PROX1: variants seen among roughly 807,000 people sequenced by gnomAD.
PROX1 encodes prospero homeobox protein 1.
A neutral mutation model predicts 58.8 loss-of-function variants in PROX1; 7 were observed. The observed-to-expected ratio is 0.12, with a 90% CI of 0.07 to 0.22. PROX1 has a LOEUF of 0.22. Among genes scored for constraint, PROX1 ranks in the 10% least tolerant of loss-of-function variants. The pLI, the probability that PROX1 is intolerant of heterozygous loss-of-function variation, is 1.00. For synonymous variants in PROX1, 350 were observed against 358.3 expected, an observed-to-expected ratio of 0.98 and a Z score of 0.26; for missense variants, 675 against 927.8, an observed-to-expected ratio of 0.73 and a Z score of 3.54.
intron 1 of PROX1, among the ~76,000 whole-genome samples, chr1:213,994,511 G>T (rs1345900514): frequency 2.0e-5 from 3 of 151,684 alleles, no homozygotes; most frequent in Non-Finnish European, 4.4e-5. Flanking sequence ...GCCTCTCCTT[G>T]TTCTTTCTGT....
intron 4 of PROX1, among the ~76,000 whole-genome samples, chr1:214,025,623 A>G (rs578077357): frequency 6.7e-6 from 1 of 149,808 alleles, no homozygotes; most frequent in South Asian, 2.1e-4. Context: ...GAACTCTCTG[A>G]GATTCCTTCT....
chr1:214,032,265 C>G (rs1185418437), intron 4 of PROX1, among the ~76,000 whole-genome samples: 1 of 152,204 alleles, frequency 6.6e-6, no homozygotes, highest in Non-Finnish European at 1.5e-5. Flanking sequence ...CCTTACCTCA[C>G]AGTAATCTCT....
intron 2 of PROX1, 136 bp from the exon 3 acceptor site, chr1:214,005,029 C>A (rs1663656564): frequency 1.7e-5 from 10 of 578,962 alleles, no homozygotes; most frequent in Non-Finnish European, 2.7e-5. Context: ...GATGCCATAG[C>A]CAGTGTCATA....
chr1:214,034,933 G>A (rs74139093), intron 4 of PROX1, among the ~76,000 whole-genome samples: 21,712 of 151,888 alleles, frequency 0.14, 2,883 homozygotes, highest in African/African-American at 0.34. Context: ...GTAAATACTC[G>A]AAAAAAGTTA....
At chr1:214,011,830 C>A in intron 4 of PROX1, 115 bp downstream of exon 4, 1 of 829,084 alleles carries the variant, frequency 1.2e-6, no homozygotes. Context: ...CAAGCATCCC[C>A]CAATAGAGTA....
intron 3 of PROX1, among the ~76,000 whole-genome samples, chr1:214,009,363 A>G (rs1452172401): frequency 6.6e-6 from 1 of 152,222 alleles, no homozygotes; most frequent in Non-Finnish European, 1.5e-5. Context: ...CCTTTATAGA[A>G]CAATTGATCC....
intron 1 of PROX1, among the ~76,000 whole-genome samples, chr1:213,993,776 A>G (rs532097743): frequency 7.9e-5 from 12 of 152,298 alleles, no homozygotes; most frequent in Admixed American, 5.2e-4. Flanking sequence ...TATATAATTT[A>G]TCTTATTTTT....
intron 1 of PROX1, among the ~76,000 whole-genome samples, chr1:213,995,935 T>C (rs1446303177): frequency 1.3e-5 from 2 of 152,238 alleles, no homozygotes; most frequent in African/African-American, 4.8e-5. Flanking sequence ...TATTGTAAAA[T>C]TCAAGAATAA....
intron 4 of PROX1, among the ~76,000 whole-genome samples, chr1:214,025,085 T>C (rs1235763921): frequency 6.6e-6 from 1 of 152,242 alleles, no homozygotes; most frequent in East Asian, 1.9e-4. Context: ...GATACATTCC[T>C]CTGTTTAGCA....
At chr1:214,004,841 T>C (rs2102714853) in intron 2 of PROX1, among the ~76,000 whole-genome samples, 1 of 152,262 alleles carries the variant, frequency 6.6e-6, no homozygotes, top group Non-Finnish European at 1.5e-5. Context: ...GGTGCATTTG[T>C]CTCCTTAGCA....
At position 213,997,378 on chromosome 1, in the gene PROX1, G is replaced by A; in HGVS notation, c.843G>A (p.Ser281=). Residue 281 remains serine (S), a synonymous_variant, in exon 2 of 5, where the codon TCG becomes TCA. Transcript: ENST00000366958. This position sits in a 1 kb window ranked among gnomAD's most constrained non-coding sequence, Gnocchi z 7.1. ...ACCTGTCTGAAGACAGCATGCGCTC[G>A]GAGATCCTGGATGCCAGGGCCCAGG... ...DGNLSEDSMR[S]EILDARAQDS... The A allele has an allele frequency of 6.2e-7, 1 of 1,614,066 alleles. No homozygotes were observed. Among genetic ancestry groups the A allele is most frequent in the South Asian group, 1.1e-5 (1 of 91,078 alleles).
At chr1:213,990,562 G>A (rs1662992090) in intron 1 of PROX1, among the ~76,000 whole-genome samples, 1 of 151,980 alleles carries the variant, frequency 6.6e-6, no homozygotes, top group South Asian at 2.1e-4. Context: ...TTAGGCAGCA[G>A]GTGGAGGGAG....
chr1:214,028,416 G>A (rs1664532709), intron 4 of PROX1, among the ~76,000 whole-genome samples: 1 of 152,120 alleles, frequency 6.6e-6, no homozygotes, highest in Admixed American at 6.5e-5. Context: ...TACGAACAGT[G>A]CAGAAAACAG....
At position 213,998,281 on chromosome 1, in the gene PROX1, C is replaced by G. The variant is rs74139075; in HGVS notation, c.1725+21C>G. ...GTGCAATATCCTTTTATTTTCCCCT[C>G]GAGGAAAAAACAAACCAAAAAAGGT... On this transcript the variant is annotated intron_variant, in intron 2 of 4. Transcript: ENST00000366958. The G allele has an allele frequency of 4.9e-3, 7,435 of 1,512,342 alleles. 253 individuals carry two copies. In the African/African-American group the frequency reaches 0.078, roughly 16 times the overall value. 93.7% of individuals were successfully genotyped at this position (1,512,342 alleles called of 1,614,324 possible).
intron 2 of PROX1, among the ~76,000 whole-genome samples, chr1:214,004,218 C>G (rs1212262983): frequency 1.3e-5 from 2 of 152,210 alleles, no homozygotes; most frequent in Non-Finnish European, 2.9e-5. Flanking sequence ...GCCATCCCAG[C>G]TCTGAGTCTG....
At chr1:214,005,476 T>A (rs1663675701) in intron 3 of PROX1, among the ~76,000 whole-genome samples, 1 of 152,242 alleles carries the variant, frequency 6.6e-6, no homozygotes, top group African/African-American at 2.4e-5. Flanking sequence ...CTGGTGTTAA[T>A]AAGTTGCATG....
intron 3 of PROX1, among the ~76,000 whole-genome samples, chr1:214,008,892 G>A (rs537589685): frequency 4.6e-5 from 7 of 152,172 alleles, no homozygotes; most frequent in Admixed American, 2.6e-4. Context: ...TCAGCTCATC[G>A]GGGCTACAAA....
Position 213,997,646 on chromosome 1 carries a change from T to A in PROX1, c.1111T>A (p.Phe371Ile). The A allele has an allele frequency of 6.2e-7, 1 of 1,614,062 alleles. No homozygotes were observed. Among genetic ancestry groups the A allele is most frequent in the South Asian group, 1.1e-5 (1 of 91,072 alleles). The change falls in exon 2 of 5, where the codon TTT (phenylalanine) becomes ATT (isoleucine). Residue 371 changes from phenylalanine to isoleucine, a missense_variant. Transcript: ENST00000366958. This position sits in a 1 kb window ranked among gnomAD's most constrained non-coding sequence, Gnocchi z 7.1. ...SQVVDTVVKV[F>I]SAKPSRQVPQ... ...AGTTGTGGACACTGTGGTCAAAGTC[T>A]TTTCGGCCAAGCCCTCCCGCCAGGT...
rs1432897080 is a variant in PROX1, at chr1:214,040,708, G to T, written c.*4874G>T. 1 of 151,996 alleles carries T rather than the reference G, an allele frequency of 6.6e-6. No individual in the cohort carries two copies. The highest frequency in any genetic ancestry group is 1.5e-5 in the Non-Finnish European group (1 of 67,976). 9.4% of individuals were successfully genotyped at this position (151,996 alleles called of 1,614,324 possible). A position where few individuals can be genotyped will look rare whatever the true frequency, so the allele number is the denominator to read the frequency against. On this transcript the variant is annotated 3_prime_UTR_variant, in exon 5 of 5. Coordinates refer to ENST00000366958, the MANE Select transcript of PROX1 (RefSeq NM_001270616.2). Reference sequence around the variant, plus strand: ...CTCTTTTTTGTAATAAAGACCCTTTGATTTGAATATAGTACAATAACTGAA... The same window carrying T: ...CTCTTTTTTGTAATAAAGACCCTTTTATTTGAATATAGTACAATAACTGAA...
Sources: allele counts gnomAD v4.1 joint callset (sites outside exome capture counted in the v4.1 genomes callset), GRCh38; gene constraint gnomAD v4.1.1; non-coding constraint Gnocchi (gnomAD v3.1); transcripts MANE v1.5; gene names NCBI Gene and HGNC (gene_info 2026-07-23, HGNC 2026-07-21).